The following YPEL2 variants were observed in gnomAD, a reference collection of about 807,000 sequenced individuals.
The protein encoded by YPEL2 is yippee like 2.
Under a neutral mutation model 19.1 loss-of-function variants are expected in YPEL2, and 2 were observed. The observed-to-expected ratio is 0.10, with a 90% CI of 0.04 to 0.33. The LOEUF is 0.33. Ranked by LOEUF, YPEL2 falls within the 10% of genes least tolerant of loss-of-function variation. The pLI is 1.00. For missense variants in YPEL2, 66 were observed against 140.7 expected (o/e 0.47, Z 2.68); for synonymous variants, 52 against 50.0 (o/e 1.04, Z -0.17).
chr17:59,344,656 G>A (rs1466885986), intron 1 of YPEL2, among the ~76,000 whole-genome samples: 2 of 152,124 alleles, frequency 1.3e-5, no homozygotes, highest in African/African-American at 4.8e-5. Context: ...TACCCGGGAG[G>A]GTGAGGCAGG....
chr17:59,375,562 C>G (rs1364920160), intron 2 of YPEL2, among the ~76,000 whole-genome samples: 1 of 152,018 alleles, frequency 6.6e-6, no homozygotes, highest in Non-Finnish European at 1.5e-5. Context: ...CAGCCTTAAG[C>G]ATTGCAGGTC....
chr17:59,370,307 C>T (rs1405504333), intron 2 of YPEL2, among the ~76,000 whole-genome samples: 1 of 152,206 alleles, frequency 6.6e-6, no homozygotes, highest in East Asian at 1.9e-4. Flanking sequence ...TCGTGATCCG[C>T]CCGCCTCGGC....
chr17:59,347,798 C>T (rs903378537), intron 1 of YPEL2, among the ~76,000 whole-genome samples: 44 of 152,252 alleles, frequency 2.9e-4, no homozygotes, highest in African/African-American at 9.4e-4. Flanking sequence ...ATGGAAGGGG[C>T]AGGCTGGAAT....
intron 4 of YPEL2, among the ~76,000 whole-genome samples, chr17:59,394,403 T>G (rs2048027012): frequency 7.1e-6 from 1 of 140,902 alleles, no homozygotes; most frequent in Non-Finnish European, 1.5e-5. Context: ...GCTCCCCACA[T>G]CTCAGACGAT....
In YPEL2 at chr17:59,396,985, T is replaced by C. The variant is rs574756541; in HGVS notation, c.271-116T>C. ...GGCGGAGATTGCAGTGAGTGGAGAT[T>C]GCGTCATTGCACTCCAGCCTGGGTG... is the stretch of plus-strand genomic sequence containing the variant. On this transcript the variant is annotated intron_variant, in intron 4 of 4. Coordinates refer to ENST00000312655, the MANE Select transcript of YPEL2 (RefSeq NM_001005404.4). 337 of 642,284 alleles carry C rather than the reference T, an allele frequency of 5.2e-4. 1 individual carries two copies. The African/African-American group carries it at 5.4e-3, about 10-fold the overall frequency. 39.8% of individuals were successfully genotyped at this position (642,284 alleles called of 1,614,324 possible).
At chr17:59,349,015 A>G (rs1023224265) in intron 1 of YPEL2, among the ~76,000 whole-genome samples, 2 of 152,056 alleles carry the variant, frequency 1.3e-5, no homozygotes, top group Non-Finnish European at 2.9e-5. Context: ...TCTACTAAAA[A>G]TACAAAAAGT....
rs889593086 is a variant in YPEL2 at position 59,399,396 on chromosome 17, G to A, written c.*2206G>A. 2 of 152,256 alleles carry A rather than the reference G, an allele frequency of 1.3e-5. No individual in the cohort carries two copies. The highest frequency in any genetic ancestry group is 4.8e-5 in the African/African-American group (2 of 41,460). The allele number at this position is 152,256 out of a possible 1,614,324, so 9.4% of individuals were successfully genotyped here. A position where few individuals can be genotyped will look rare whatever the true frequency, so the allele number is the denominator to read the frequency against. On this transcript the variant is annotated 3_prime_UTR_variant, in exon 5 of 5. Coordinates refer to ENST00000312655, the MANE Select transcript of YPEL2 (RefSeq NM_001005404.4). The stretch of plus-strand genomic sequence containing the variant: ...TTGTCTTTCAAACTACAAATGGAAT[G>A]TGGTGACATAAACTAGACATGGGGT...
At position 59,388,688 on chromosome 17, in the gene YPEL2, G is replaced by A. The variant is rs776367477; in HGVS notation, c.161+318G>A. On this transcript the variant is annotated intron_variant, in intron 3 of 4. Transcript: ENST00000312655. ...TAATGAGATCTGAGATTTGTCACTG[G>A]GGAAGAGAATATGGGTGAAAAAGAC... Among the ~76,000 whole-genome samples, 18 of 152,296 alleles carry A rather than the reference G, an allele frequency of 1.2e-4. No individual in the cohort carries two copies. In the East Asian group the frequency reaches 3.1e-3, roughly 26 times the overall value.
intron 1 of YPEL2, among the ~76,000 whole-genome samples, chr17:59,336,419 C>A (rs1442127178): frequency 6.6e-6 from 1 of 152,218 alleles, no homozygotes; most frequent in Non-Finnish European, 1.5e-5. Context: ...GCATTTCTAT[C>A]AGTAATCACA....
chr17:59,364,364 A>G (rs116165842), intron 2 of YPEL2, among the ~76,000 whole-genome samples: 2,867 of 152,252 alleles, frequency 0.019, 104 homozygotes, highest in African/African-American at 0.065. Context: ...TGACAGTGTC[A>G]AGCGCTGTGA....
intron 2 of YPEL2, among the ~76,000 whole-genome samples, chr17:59,386,390 G>A (rs1410444099): frequency 2.0e-5 from 3 of 152,038 alleles, no homozygotes; most frequent in Non-Finnish European, 2.9e-5. Flanking sequence ...TAGAACATGA[G>A]TATCATTGGG....
chr17:59,343,151 T>G (rs543427247), intron 1 of YPEL2, among the ~76,000 whole-genome samples: 1 of 152,286 alleles, frequency 6.6e-6, no homozygotes, highest in South Asian at 2.1e-4. Context: ...CTTTTTAACT[T>G]TGTAGAGCAT....
chr17:59,350,042 C>A (rs563142547), intron 1 of YPEL2, among the ~76,000 whole-genome samples: 13 of 152,158 alleles, frequency 8.5e-5, no homozygotes, highest in African/African-American at 2.9e-4. Flanking sequence ...ACCAGTTGAA[C>A]AAGATTCATA....
intron 1 of YPEL2, among the ~76,000 whole-genome samples, chr17:59,333,593 T>C (rs2047683062): frequency 6.6e-6 from 1 of 152,166 alleles, no homozygotes; most frequent in African/African-American, 2.4e-5. Context: ...CTCCCTGCAG[T>C]GTGCTCTGTT....
chr17:59,387,668 A>G (rs1483891409), intron 2 of YPEL2, among the ~76,000 whole-genome samples: 3 of 152,136 alleles, frequency 2.0e-5, no homozygotes, highest in African/African-American at 7.2e-5. Flanking sequence ...GAAAGAAACT[A>G]ATATGTAAGC....
chr17:59,387,905 A>G (rs554686976), intron 2 of YPEL2, among the ~76,000 whole-genome samples: 49 of 152,220 alleles, frequency 3.2e-4, no homozygotes, highest in Non-Finnish European at 6.0e-4. Context: ...AGGCCAAGCG[A>G]AGGAGCTTGT....
intron 1 of YPEL2, among the ~76,000 whole-genome samples, chr17:59,332,122 G>T (rs2047673818): frequency 6.6e-6 from 1 of 152,100 alleles, no homozygotes; most frequent in Non-Finnish European, 1.5e-5. Flanking sequence ...CAGGGGCTGG[G>T]CGAGTCTGCG....
chr17:59,393,052 G>A (rs1473275976), intron 4 of YPEL2, among the ~76,000 whole-genome samples: 13 of 152,220 alleles, frequency 8.5e-5, no homozygotes. Flanking sequence ...ATTAGTTGGT[G>A]TGTTTCTGTT....
intron 2 of YPEL2, among the ~76,000 whole-genome samples, chr17:59,361,927 C>T (rs2047843049): frequency 6.6e-6 from 1 of 152,174 alleles, no homozygotes; most frequent in African/African-American, 2.4e-5. Flanking sequence ...GAGCCAGAGG[C>T]AGGGAGCACA....
Sources: allele counts gnomAD v4.1 joint callset (sites outside exome capture counted in the v4.1 genomes callset), GRCh38; gene constraint gnomAD v4.1.1; transcripts MANE v1.5; gene names NCBI Gene and HGNC (gene_info 2026-07-23, HGNC 2026-07-21).